The following UHRF2 variants were observed in gnomAD, a reference collection of about 807,000 sequenced individuals.
UHRF2 encodes the protein E3 ubiquitin-protein ligase UHRF2.
UHRF2 carries 23 observed loss-of-function variants against 96.8 expected under a neutral mutation model. The observed-to-expected ratio is 0.24, with a 90% confidence interval of 0.17 to 0.34. The LOEUF (loss-of-function observed/expected upper bound fraction) is 0.34. Ranked by LOEUF, UHRF2 falls within the 10% of genes least tolerant of loss-of-function variation. The probability of loss-of-function intolerance (pLI) is 1.00; values close to 1 mark genes in which losing one functional copy is unlikely to be tolerated. For synonymous variants in UHRF2, 385 were observed against 332.6 expected (o/e 1.16, Z -1.72); for missense variants, 685 against 981.5 (o/e 0.70, Z 4.04).
chr9:6,439,802 TACCCAA>T (rs1288319499), intron 3 of UHRF2, among the ~76,000 whole-genome samples: 1 of 152,180 alleles, frequency 6.6e-6, no homozygotes, highest in Non-Finnish European at 1.5e-5. Flanking sequence ...TACCTCCCCT[TACCCAA>T]ACCCTGGTTA....
At chr9:6,474,148 C>G (rs907096897) in intron 4 of UHRF2, among the ~76,000 whole-genome samples, 11 of 152,090 alleles carry the variant, frequency 7.2e-5, no homozygotes, top group African/African-American at 2.4e-4. Flanking sequence ...AGTTGATATT[C>G]CTATGTCTTC....
At chr9:6,425,440 G>T (rs1207532600) in intron 2 of UHRF2, among the ~76,000 whole-genome samples, 1 of 151,994 alleles carries the variant, frequency 6.6e-6, no homozygotes, top group East Asian at 1.9e-4. Flanking sequence ...TTTCTCCAAG[G>T]TTCCCTGTTT....
chr9:6,432,790 G>C (rs56218473), intron 2 of UHRF2, among the ~76,000 whole-genome samples: 2 of 151,772 alleles, frequency 1.3e-5, no homozygotes, highest in African/African-American at 2.4e-5. Context: ...GGCTTAAAAA[G>C]AAAGTTGAAG....
chr9:6,463,767 G>C (rs1228393468), intron 4 of UHRF2, among the ~76,000 whole-genome samples: 1 of 151,894 alleles, frequency 6.6e-6, no homozygotes, highest in Non-Finnish European at 1.5e-5. Context: ...CACCGTGTCT[G>C]GAGAAAAAAA....
At chr9:6,456,600 C>CT (rs1412925108) in intron 3 of UHRF2, among the ~76,000 whole-genome samples, 4 of 152,168 alleles carry the variant, frequency 2.6e-5, no homozygotes, top group African/African-American at 9.7e-5. Context: ...GACATGGAGT[C>CT]TTTGCCCATG....
chr9:6,426,939 A>G (rs373392942), intron 2 of UHRF2, among the ~76,000 whole-genome samples: 3 of 151,748 alleles, frequency 2.0e-5, no homozygotes, highest in Non-Finnish European at 4.4e-5. Context: ...AGTAGAGACA[A>G]GATTTCACCA....
chr9:6,498,617 C>G (rs1300713916), intron 12 of UHRF2: 2 of 154,832 alleles, frequency 1.3e-5, no homozygotes, highest in Non-Finnish European at 2.9e-5. Context: ...AAAGCTGCTT[C>G]CCTGCCCTGC....
At chr9:6,431,930 T>C (rs1820581229) in intron 2 of UHRF2, among the ~76,000 whole-genome samples, 1 of 152,234 alleles carries the variant, frequency 6.6e-6, no homozygotes, top group African/African-American at 2.4e-5. Context: ...TAGTAATATA[T>C]GAAACTTACA....
chr9:6,499,816 C>G lies in UHRF2; in HGVS notation c.1909-19C>G, dbSNP rs1456770728. The G allele has an allele frequency of 6.4e-7, 1 of 1,564,656 alleles. No homozygotes were observed. The highest frequency in any genetic ancestry group is 1.6e-5 in the African/African-American group (1 of 63,752). On this transcript the variant is annotated intron_variant, in intron 12 of 15. Coordinates refer to ENST00000276893, the MANE Select transcript of UHRF2 (RefSeq NM_152896.3). ...AAGCTTAAATCTGCATTGTACTCTC[C>G]CTCCTCCCCCCCCATCAGTATCCAG...
chr9:6,500,469 C>T lies in UHRF2; in HGVS notation c.2006-83C>T, dbSNP rs1397259422. ...TTGGTTATCTTTCTGCTAAACATTACTTGTGCCAGTTAACTCTTTTGTTTC... is the reference window on the plus strand; with the variant it reads ...TTGGTTATCTTTCTGCTAAACATTATTTGTGCCAGTTAACTCTTTTGTTTC... On this transcript the variant is annotated intron_variant, in intron 13 of 15. Transcript: ENST00000276893. 13 of 1,197,442 alleles carry T rather than the reference C, an allele frequency of 1.1e-5. No individual in the cohort carries two copies. The Admixed American group carries it at 1.6e-4, about 15-fold the overall frequency. 74.2% of individuals were successfully genotyped at this position (1,197,442 alleles called of 1,614,324 possible). A position where few individuals can be genotyped will look rare whatever the true frequency, so the allele number is the denominator to read the frequency against.
intron 4 of UHRF2, among the ~76,000 whole-genome samples, chr9:6,465,322 T>G (rs1023164356): frequency 6.6e-6 from 1 of 152,232 alleles, no homozygotes. Flanking sequence ...CACGGATTTA[T>G]GCTAGTTTCA....
At chr9:6,440,032 G>C (rs1821073842) in intron 3 of UHRF2, among the ~76,000 whole-genome samples, 1 of 152,132 alleles carries the variant, frequency 6.6e-6, no homozygotes, top group African/African-American at 2.4e-5. Flanking sequence ...TCAATGTTCT[G>C]TATTCCCATC....
chr9:6,422,314 T>A (rs1449056593), intron 2 of UHRF2, among the ~76,000 whole-genome samples: 1 of 152,160 alleles, frequency 6.6e-6, no homozygotes, highest in Non-Finnish European at 1.5e-5. Flanking sequence ...ACTCCTGACC[T>A]CCTCATCTGC....
At chr9:6,470,137 C>G (rs1185899213) in intron 4 of UHRF2, among the ~76,000 whole-genome samples, 4 of 152,130 alleles carry the variant, frequency 2.6e-5, no homozygotes, top group Non-Finnish European at 5.9e-5. Context: ...TTTTGGAAGG[C>G]CAAGGCGGGC....
intron 4 of UHRF2, among the ~76,000 whole-genome samples, chr9:6,463,171 C>T (rs1450611776): frequency 1.3e-5 from 2 of 152,024 alleles, no homozygotes; most frequent in African/African-American, 4.8e-5. Flanking sequence ...ATCCCAGCTA[C>T]TCGAAAGGCT....
chr9:6,481,561 C>T, intron 6 of UHRF2, 82 bp from the exon 7 acceptor site: 1 of 1,515,082 alleles, frequency 6.6e-7, no homozygotes, highest in Non-Finnish European at 8.9e-7. Context: ...AAAACTTGCT[C>T]TTACCTAGGA....
intron 3 of UHRF2, among the ~76,000 whole-genome samples, chr9:6,442,604 A>T (rs953196460): frequency 6.6e-6 from 1 of 151,214 alleles, no homozygotes; most frequent in Non-Finnish European, 1.5e-5. Flanking sequence ...TCCGCCTCTC[A>T]TGTAGCTGGG....
At position 6,439,031 on chromosome 9, in the gene UHRF2, A is replaced by G. The variant is rs182887954; in HGVS notation, c.644+4858A>G. The stretch of plus-strand genomic sequence containing the variant: ...ACTGAAATAATTTGTTTCCTAATTT[A>G]TCTCCACTATTCCTTCAAAAATTAC... On this transcript the variant is annotated intron_variant, in intron 3 of 15. Coordinates refer to ENST00000276893, the MANE Select transcript of UHRF2 (RefSeq NM_152896.3). Among the ~76,000 whole-genome samples, 8 of 152,334 alleles carry G rather than the reference A, an allele frequency of 5.3e-5. No individual in the cohort carries two copies. The East Asian group carries it at 1.2e-3, about 22-fold the overall frequency.
intron 6 of UHRF2, among the ~76,000 whole-genome samples, chr9:6,480,870 C>G (rs1441538914): frequency 1.3e-5 from 2 of 152,128 alleles, no homozygotes; most frequent in East Asian, 1.9e-4. Flanking sequence ...ATTGGATTGA[C>G]TTGTGGGCAT....
Sources: allele counts gnomAD v4.1 joint callset (sites outside exome capture counted in the v4.1 genomes callset), GRCh38; gene constraint gnomAD v4.1.1; transcripts MANE v1.5; gene names NCBI Gene and HGNC (gene_info 2026-07-23, HGNC 2026-07-21).